The following SH3BP4 variants were observed in gnomAD, a reference collection of about 807,000 sequenced individuals.
SH3BP4 encodes SH3 domain-binding protein 4.
SH3BP4 carries 33 observed loss-of-function variants against 65.5 expected under a neutral mutation model. The ratio of observed to expected loss-of-function variants is 0.50; its 90% CI spans 0.38 to 0.67. SH3BP4 has a LOEUF of 0.67. SH3BP4 is among the 30% of genes least tolerant of loss of function. The pLI, the probability that SH3BP4 is intolerant of heterozygous loss-of-function variation, is 0.00. For synonymous variants in SH3BP4, 552 were observed against 545.5 expected, an observed-to-expected ratio of 1.01 and a Z score of -0.17; for missense variants, 1,134 against 1,261.4, an observed-to-expected ratio of 0.90 and a Z score of 1.53.
chr2:234,980,757 G>A (rs1193792409), intron 1 of SH3BP4, among the ~76,000 whole-genome samples: 1 of 152,136 alleles, frequency 6.6e-6, no homozygotes, highest in Non-Finnish European at 1.5e-5. Context: ...ATGGTCTGAT[G>A]GGTGTGAGAT....
rs1308513626 is a variant in SH3BP4 at position 234,991,752 on chromosome 2, G to A, written c.-206-3551G>A. Among the ~76,000 whole-genome samples the A allele has an allele frequency of 6.6e-6, 1 of 152,184 alleles. No homozygotes were observed. Among genetic ancestry groups the A allele is most frequent in the African/African-American group, 2.4e-5 (1 of 41,442 alleles). ...GAGGTTGATCAGGAGTTGGGGAAGT[G>A]GAAAGGGGCCAGCGGTCTTGTCCAC... is the stretch of plus-strand genomic sequence containing the variant. On this transcript the variant is annotated intron_variant, in intron 1 of 5. Coordinates refer to ENST00000392011, the MANE Select transcript of SH3BP4 (RefSeq NM_014521.3). This position sits in a 1 kb window ranked among gnomAD's most constrained non-coding sequence, Gnocchi z 4.2.
At position 234,977,266 on chromosome 2, in the gene SH3BP4, C is replaced by G. The variant is rs562319261; in HGVS notation, c.-206-18037C>G. ...GGGAGAAGCTCAGGGTCCCCATTTCCTGGCCGGGAACTTCCCTTTCCTACA... is the reference window on the plus strand; with the variant it reads ...GGGAGAAGCTCAGGGTCCCCATTTCGTGGCCGGGAACTTCCCTTTCCTACA... On this transcript the variant is annotated intron_variant, in intron 1 of 5. Transcript: ENST00000392011. The surrounding 1 kb of genome is among the most constrained non-coding windows in gnomAD (Gnocchi z 5.1). Among the ~76,000 whole-genome samples, 121 of 152,300 alleles carry G rather than the reference C, an allele frequency of 7.9e-4. No individual in the cohort carries two copies. Among genetic ancestry groups the G allele is most frequent in the African/African-American group, 2.8e-3 (117 of 41,576 alleles).
At chr2:234,969,782 G>A (rs1356893239) in intron 1 of SH3BP4, among the ~76,000 whole-genome samples, 4 of 152,188 alleles carry the variant, frequency 2.6e-5, no homozygotes, top group Non-Finnish European at 5.9e-5. Flanking sequence ...TTCCCTTACT[G>A]CCTCTGCCCA....
rs564348476 is a variant in SH3BP4, at chr2:235,053,978, G to A, written c.*162G>A. ...CCATCATGCGCCGCCCTCCTCCATC[G>A]AGGGAGAGGCCTGAAGGGACTGCCT... On this transcript the variant is annotated 3_prime_UTR_variant, in exon 6 of 6. Transcript: ENST00000392011. 73 of 610,606 alleles carry A rather than the reference G, an allele frequency of 1.2e-4. No homozygotes were observed. The highest frequency in any genetic ancestry group is 1.7e-4 in the Admixed American group (6 of 34,568). The allele number at this position is 610,606 out of a possible 1,614,324, so 37.8% of individuals were successfully genotyped here. A position where few individuals can be genotyped will look rare whatever the true frequency, so the allele number is the denominator to read the frequency against.
chr2:234,952,551 G>C lies in SH3BP4; in HGVS notation c.-207+381G>C, dbSNP rs1382221235. ...TCCCTGGGCAACCGGACGCGTCCTC[G>C]GGCGCAAATCGGGGGGCGCGCTCGG... On this transcript the variant is annotated intron_variant, in intron 1 of 5. Coordinates refer to ENST00000392011, the MANE Select transcript of SH3BP4 (RefSeq NM_014521.3). The surrounding 1 kb of genome is among the most constrained non-coding windows in gnomAD (Gnocchi z 6.5). 6.6e-6 allele frequency among the ~76,000 whole-genome samples: 1 copy of C among 151,684 alleles called. No homozygotes were observed. Among genetic ancestry groups the C allele is most frequent in the African/African-American group, 2.4e-5 (1 of 41,342 alleles).
intron 1 of SH3BP4, among the ~76,000 whole-genome samples, chr2:234,992,384 C>A (rs2106270824): frequency 6.6e-6 from 1 of 152,302 alleles, no homozygotes; most frequent in Admixed American, 6.5e-5. Context: ...CAGTAGCCCC[C>A]ATGACCAAGT....
intron 1 of SH3BP4, among the ~76,000 whole-genome samples, chr2:234,975,926 T>G (rs1693153248): frequency 6.6e-6 from 1 of 152,172 alleles, no homozygotes; most frequent in African/African-American, 2.4e-5. Context: ...CATTCAACCT[T>G]AGCTTCTCTC....
chr2:234,990,976 C>A (rs1056626192), intron 1 of SH3BP4, among the ~76,000 whole-genome samples: 3 of 152,152 alleles, frequency 2.0e-5, no homozygotes, highest in Non-Finnish European at 4.4e-5. Context: ...GAAACTCCCC[C>A]CTTTTATAAA....
At position 234,952,304 on chromosome 2, in the gene SH3BP4, C is replaced by G. The variant is rs1273336629; in HGVS notation, c.-207+134C>G. On this transcript the variant is annotated intron_variant, in intron 1 of 5. Transcript: ENST00000392011. This position sits in a 1 kb window ranked among gnomAD's most constrained non-coding sequence, Gnocchi z 6.5. ...CCGCGGGCGCCGATCGTGCCACCGC[C>G]GCCTGAGTTCGGGGCTGCGCGGGTG... 1 of 150,484 alleles carries G rather than the reference C, an allele frequency of 6.6e-6. No individual in the cohort carries two copies. Among genetic ancestry groups the G allele is most frequent in the African/African-American group, 2.4e-5 (1 of 41,182 alleles). The allele number at this position is 150,484 out of a possible 1,614,324, so 9.3% of individuals were successfully genotyped here. A position where few individuals can be genotyped will look rare whatever the true frequency, so the allele number is the denominator to read the frequency against.
chr2:235,029,141 G>T (rs894310366), intron 2 of SH3BP4, among the ~76,000 whole-genome samples: 1 of 152,256 alleles, frequency 6.6e-6, no homozygotes, highest in African/African-American at 2.4e-5. Flanking sequence ...GATGACGGTG[G>T]TGTGGATGTG....
Position 235,043,041 on chromosome 2 carries a change from G to C in SH3BP4, c.2272G>C (p.Val758Leu). Reference protein sequence around the residue: ...CKFLTYIYASVRTLLMENISS... With the variant: ...CKFLTYIYASLRTLLMENISS... ...ATTCCTCACGTACATCTATGCCTCC[G>C]TGAGGACCCTGCTCATGGAGAACAT... is the stretch of plus-strand genomic sequence containing the variant. Residue 758 changes from valine (V) to leucine (L), a missense_variant, in exon 4 of 6, where the codon GTG becomes CTG. By Grantham distance (32) the Val-to-Leu change is conservative (BLOSUM62 1). Coordinates refer to ENST00000392011, the MANE Select transcript of SH3BP4 (RefSeq NM_014521.3). The C allele has an allele frequency of 6.2e-7, 1 of 1,611,608 alleles. No homozygotes were observed. Among genetic ancestry groups the C allele is most frequent in the South Asian group, 1.1e-5 (1 of 90,964 alleles).
Position 235,038,292 on chromosome 2 carries a change from A to ATATAT in SH3BP4, c.119-2595_119-2591dup, listed in dbSNP as rs1695472686. 2.5e-4 allele frequency among the ~76,000 whole-genome samples: 3 copies of ATATAT among 11,910 alleles called. No individual in the cohort carries two copies. The African/African-American group carries it at 3.5e-3, about 14-fold the overall frequency. The allele number at this position is 11,910 out of a possible 152,430, so 7.8% of individuals were successfully genotyped here. On this transcript the variant is annotated intron_variant, in intron 3 of 5. Coordinates refer to ENST00000392011, the MANE Select transcript of SH3BP4 (RefSeq NM_014521.3). ...ATATATAATATATATTATATATAAT[A>ATATAT]TATATATTATATATATATATTATAT...
chr2:235,002,563 A>G (rs1694161651), intron 2 of SH3BP4, among the ~76,000 whole-genome samples: 2 of 152,112 alleles, frequency 1.3e-5, no homozygotes, highest in Non-Finnish European at 2.9e-5. Flanking sequence ...TGGTCTCTAT[A>G]AAAAATACAA....
chr2:234,957,367 A>ATT (rs1692611853), intron 1 of SH3BP4, among the ~76,000 whole-genome samples: 1 of 151,914 alleles, frequency 6.6e-6, no homozygotes, highest in African/African-American at 2.4e-5. Context: ...AATAGTTAAC[A>ATT]ATCTGTGTGA....
chr2:234,961,875 G>A (rs1692722392), intron 1 of SH3BP4, among the ~76,000 whole-genome samples: 1 of 4,044 alleles, frequency 2.5e-4, no homozygotes, highest in African/African-American at 1.4e-3. Flanking sequence ...GAGGTGGGGT[G>A]GTGGGGGTGG....
At chr2:234,993,602 T>C (rs1412247093) in intron 1 of SH3BP4, among the ~76,000 whole-genome samples, 2 of 152,222 alleles carry the variant, frequency 1.3e-5, no homozygotes, top group East Asian at 3.8e-4. Context: ...CAGGGACATA[T>C]ACCATGAAGC....
intron 2 of SH3BP4, among the ~76,000 whole-genome samples, chr2:235,014,257 C>T (rs2106300770): frequency 6.6e-6 from 1 of 152,266 alleles, no homozygotes; most frequent in East Asian, 1.9e-4. Context: ...ATACTTTGGG[C>T]TCTTAGGAAA....
intron 3 of SH3BP4, among the ~76,000 whole-genome samples, chr2:235,036,247 G>A (rs1056373631): frequency 2.6e-5 from 4 of 152,204 alleles, no homozygotes; most frequent in Non-Finnish European, 4.4e-5. Context: ...CGTCTAGCCC[G>A]TGTGAGATTT....
At chr2:235,027,293 T>C (rs1695032054) in intron 2 of SH3BP4, among the ~76,000 whole-genome samples, 1 of 152,200 alleles carries the variant, frequency 6.6e-6, no homozygotes, top group African/African-American at 2.4e-5. Context: ...AACCCCGTGG[T>C]CTCCTCGTGG....
Sources: gnomAD v4.1 joint callset for allele counts (sites outside exome capture counted in the v4.1 genomes callset) on GRCh38, gnomAD v4.1.1 for gene constraint, Gnocchi (gnomAD v3.1) non-coding constraint, MANE v1.5 for transcripts, NCBI Gene and HGNC (gene_info 2026-07-23, HGNC 2026-07-21) for gene names.